PRKAR1A: variants seen among roughly 807,000 people sequenced by gnomAD.
The protein encoded by PRKAR1A is protein kinase cAMP-dependent type I regulatory subunit alpha, also known as cAMP-dependent protein kinase type I-alpha regulatory subunit.
PRKAR1A carries 3 observed loss-of-function variants against 52.0 expected under a neutral mutation model. The observed-to-expected ratio is 0.06, with a 90% CI of 0.03 to 0.15. The LOEUF (loss-of-function observed/expected upper bound fraction) is 0.15, where lower values mean the gene tolerates loss of function less well. Among genes scored for constraint, PRKAR1A ranks in the 10% least tolerant of loss-of-function variants. PRKAR1A has a pLI of 1.00. For missense variants in PRKAR1A, 240 were observed against 477.4 expected, an observed-to-expected ratio of 0.50 and a Z score of 4.63; for synonymous variants, 188 against 168.4, an observed-to-expected ratio of 1.12 and a Z score of -0.90.
intron 11 of PRKAR1A, chr17:68,542,933 G>A (rs530634301): frequency 4.4e-5 from 33 of 746,856 alleles, no homozygotes; most frequent in South Asian, 3.4e-4. Flanking sequence ...CCGGTGAGGC[G>A]TGACTCTGCA....
chr17:68,450,508 G>A, the PRKAR1A span, among the ~76,000 whole-genome samples: 2 of 152,216 alleles, frequency 1.3e-5, no homozygotes, highest in Admixed American at 6.5e-5. Context: ...AGGGACCAAC[G>A]TTCTGGAAAC....
chr17:68,506,857 C>A (rs1411186964), upstream of PRKAR1A, among the ~76,000 whole-genome samples: 3 of 152,084 alleles, frequency 2.0e-5, no homozygotes, highest in African/African-American at 4.8e-5. Context: ...CTGCTAGTAT[C>A]CACTAGTGTG....
chr17:68,463,242 T>C, the PRKAR1A span, among the ~76,000 whole-genome samples: 2 of 152,148 alleles, frequency 1.3e-5, no homozygotes, highest in African/African-American at 2.4e-5. Flanking sequence ...TGATAAGATA[T>C]GGGTAGCCAG....
chr17:68,548,828 G>A (rs1207502374), intron 11 of PRKAR1A, among the ~76,000 whole-genome samples: 2 of 149,282 alleles, frequency 1.3e-5, no homozygotes, highest in Non-Finnish European at 3.0e-5. Flanking sequence ...CGCCTCCCGG[G>A]TTCACGCCAT....
chr17:68,548,206 C>T (rs2086656404), intron 11 of PRKAR1A, among the ~76,000 whole-genome samples: 1 of 152,108 alleles, frequency 6.6e-6, no homozygotes, highest in African/African-American at 2.4e-5. Flanking sequence ...CCAGCCTGGC[C>T]AACACAGTGA....
Position 68,531,973 on chromosome 17 carries a change from T to C in PRKAR1A, c.*1524T>C, listed in dbSNP as rs2143404271. 9.4e-7 allele frequency: 1 copy of C among 1,066,100 alleles called. No homozygotes were observed. Among genetic ancestry groups the C allele is most frequent in the East Asian group, 5.0e-5 (1 of 20,060 alleles). The allele number at this position is 1,066,100 out of a possible 1,614,324, so 66.0% of individuals were successfully genotyped here. On this transcript the variant is annotated 3_prime_UTR_variant, in exon 11 of 11. Transcript: ENST00000589228. Reference sequence around the variant, plus strand: ...AACTGACTCTGTTATTGATCCCTTCTCCTGCCCTTTCCCAGGTAATTTAAA... The same window carrying C: ...AACTGACTCTGTTATTGATCCCTTCCCCTGCCCTTTCCCAGGTAATTTAAA...
At chr17:68,477,966 G>A in the PRKAR1A span, among the ~76,000 whole-genome samples, 2 of 152,026 alleles carry the variant, frequency 1.3e-5, no homozygotes, top group East Asian at 1.9e-4. Flanking sequence ...CAGGTGATCC[G>A]CCTGCCTCAG....
chr17:68,513,535 GTGTTT>G (rs2143115409), intron 1 of PRKAR1A, among the ~76,000 whole-genome samples: 1 of 152,348 alleles, frequency 6.6e-6, no homozygotes, highest in Admixed American at 6.5e-5. Flanking sequence ...ATGAATCTGA[GTGTTT>G]TGTTTTACAT....
the PRKAR1A span, among the ~76,000 whole-genome samples, chr17:68,447,153 A>G: frequency 6.6e-6 from 1 of 152,202 alleles, no homozygotes; most frequent in Non-Finnish European, 1.5e-5. Flanking sequence ...CTGCCCTAGA[A>G]CACCACAGAT....
chr17:68,426,251 G>GGGGGGGGT, the PRKAR1A span: 5 of 825,456 alleles, frequency 6.1e-6, no homozygotes, highest in South Asian at 2.6e-5. Context: ...GTGGGGAGCG[G>GGGGGGGGT]GGGCTCAAAT....
At chr17:68,479,853 G>T in the PRKAR1A span, among the ~76,000 whole-genome samples, 1 of 152,210 alleles carries the variant, frequency 6.6e-6, no homozygotes, top group Non-Finnish European at 1.5e-5. Flanking sequence ...TTTCAATCAT[G>T]GTAGAAGGGG....
At chr17:68,492,804 T>C in the PRKAR1A span, among the ~76,000 whole-genome samples, 1 of 152,134 alleles carries the variant, frequency 6.6e-6, no homozygotes, top group Admixed American at 6.5e-5. Context: ...TATTAAAAAC[T>C]TTAGACTCCA....
intron 10 of PRKAR1A, 29 bp downstream of exon 10, chr17:68,530,030 C>T: frequency 6.2e-7 from 1 of 1,601,114 alleles, no homozygotes; most frequent in Non-Finnish European, 8.6e-7. Flanking sequence ...ACAATAAATA[C>T]ATGGTTTCTT....
chr17:68,488,854 G>T, the PRKAR1A span, among the ~76,000 whole-genome samples: 72 of 151,968 alleles, frequency 4.7e-4, no homozygotes, highest in African/African-American at 1.6e-3. Context: ...AGAAACTATG[G>T]AACTGGATGT....
the PRKAR1A span, among the ~76,000 whole-genome samples, chr17:68,456,105 A>G: frequency 6.6e-6 from 1 of 152,256 alleles, no homozygotes; most frequent in African/African-American, 2.4e-5. Context: ...TGTATGTGTT[A>G]TGGGTATTGG....
At position 68,531,684 on chromosome 17, in the gene PRKAR1A, G is replaced by C; in HGVS notation, c.*1235G>C. The C allele has an allele frequency of 9.4e-7, 1 of 1,065,360 alleles. No individual in the cohort carries two copies. The highest frequency in any genetic ancestry group is 1.1e-6 in the Non-Finnish European group (1 of 878,808). 66.0% of individuals were successfully genotyped at this position (1,065,360 alleles called of 1,614,324 possible). ...GCTGAAAGTCCTGCTTTCCTATCTA[G>C]CATTTATTTCTCTGGCAAACTTTTC... On this transcript the variant is annotated 3_prime_UTR_variant, in exon 11 of 11. Coordinates refer to ENST00000589228, the MANE Select transcript of PRKAR1A (RefSeq NM_002734.5).
the PRKAR1A span, among the ~76,000 whole-genome samples, chr17:68,464,967 C>T: frequency 1.3e-5 from 2 of 150,214 alleles, no homozygotes; most frequent in African/African-American, 4.9e-5. Context: ...GCTCTGTTGC[C>T]CAGGCTGGAG....
At chr17:68,462,385 C>T in the PRKAR1A span, among the ~76,000 whole-genome samples, 8 of 152,156 alleles carry the variant, frequency 5.3e-5, no homozygotes, top group Non-Finnish European at 1.0e-4. Flanking sequence ...TTTTGTTCAC[C>T]GAGGCATCTT....
the PRKAR1A span, among the ~76,000 whole-genome samples, chr17:68,478,890 G>C: frequency 5.3e-5 from 8 of 152,234 alleles, no homozygotes; most frequent in African/African-American, 1.9e-4. Context: ...ACCATGTCTG[G>C]CTAATTTTTG....
Sources: gnomAD v4.1 joint callset for allele counts (sites outside exome capture counted in the v4.1 genomes callset) on GRCh38, gnomAD v4.1.1 for gene constraint, MANE v1.5 for transcripts, NCBI Gene and HGNC (gene_info 2026-07-23, HGNC 2026-07-21) for gene names.